Variants in PLCH2 observed in about 807,000 individuals in gnomAD.
PLCH2 encodes phospholipase C eta 2, also known as 1-phosphatidylinositol 4,5-bisphosphate phosphodiesterase eta-2.
Under a neutral mutation model 134.7 loss-of-function variants are expected in PLCH2, and 98 were observed. The ratio of observed to expected loss-of-function variants is 0.73; its 90% CI spans 0.62 to 0.86. PLCH2 has a LOEUF of 0.86. Ranked by LOEUF, PLCH2 falls within the 40% of genes least tolerant of loss-of-function variation. The probability of loss-of-function intolerance (pLI) is 0.00; values close to 1 mark genes in which losing one functional copy is unlikely to be tolerated. For synonymous variants in PLCH2, 974 were observed against 827.5 expected (o/e 1.18, Z -3.04); for missense variants, 1,994 against 1,986.6 (o/e 1.00, Z -0.07).
intron 2 of PLCH2, among the ~76,000 whole-genome samples, chr1:2,430,937 G>C (rs1371008550): frequency 6.6e-6 from 1 of 152,196 alleles, no homozygotes; most frequent in African/African-American, 2.4e-5. Context: ...CACTGGGGGG[G>C]TCTGGGAGAG....
At chr1:2,433,326 G>A (rs1417892721) in intron 2 of PLCH2, among the ~76,000 whole-genome samples, 1 of 152,202 alleles carries the variant, frequency 6.6e-6, no homozygotes, top group Non-Finnish European at 1.5e-5. Context: ...TGGTGGCCTG[G>A]CCTCCCTGGC....
In PLCH2 at chr1:2,504,371, T is replaced by C. The variant is rs775489246; in HGVS notation, c.3409T>C (p.Cys1137Arg). 5.5e-5 allele frequency: 88 copies of C among 1,610,620 alleles called. 1 individual carries two copies. Among genetic ancestry groups the C allele is most frequent in the Non-Finnish European group, 7.2e-5 (85 of 1,179,446 alleles). ...SDPLWQRLEP[C>R]GHRDSVSSSS... The stretch of plus-strand genomic sequence containing the variant: ...CCCGCTGTGGCAGCGGCTGGAGCCA[T>C]GTGGCCACCGAGACAGCGTTTCCTC... The change falls in exon 22 of 22, where the codon TGT (cysteine) becomes CGT (arginine). Residue 1137 changes from cysteine (C) to arginine (R), a missense_variant. Physicochemically the swap from Cys to Arg is radical, Grantham distance 180. This residue lies in a region of PLCH2 where 900 missense variants were observed against 752.3 expected (regional missense o/e 1.20). Transcript: ENST00000378486.
At chr1:2,424,043 C>T (rs1001807527), upstream of PLCH2, among the ~76,000 whole-genome samples, 34 of 151,908 alleles carry the variant, frequency 2.2e-4, no homozygotes, top group Admixed American at 3.9e-4. Flanking sequence ...CCTCTGTGCC[C>T]GGCCTGTTTA....
At position 2,487,238 on chromosome 1, in the gene PLCH2, C is replaced by G; in HGVS notation, c.976C>G (p.Gln326Glu). ...CAACCCTGAGCACCACCATGTGCAC[C>G]AGGACATGACGCAGCCGCTGAGCCA... ...IFNPEHHHVH[Q>E]DMTQPLSHYF... The change falls in exon 7 of 22, where the codon CAG (glutamine) becomes GAG (glutamate). Residue 326 changes from glutamine to glutamate, a missense_variant. By Grantham distance (29) the Gln-to-Glu change is conservative. This residue lies in a region of PLCH2 where 1,094 missense variants were observed against 1,234.3 expected (regional missense o/e 0.89). Transcript: ENST00000378486. 2.5e-6 allele frequency: 4 copies of G among 1,608,524 alleles called. No homozygotes were observed. The highest frequency in any genetic ancestry group is 3.4e-6 in the Non-Finnish European group (4 of 1,177,636).
chr1:2,497,360 C>T, intron 15 of PLCH2, 142 bp from the exon 16 acceptor site: 3 of 658,752 alleles, frequency 4.6e-6, no homozygotes, highest in South Asian at 3.5e-5. Flanking sequence ...ACCTTGGAGT[C>T]CCATTCACAT....
At chr1:2,431,488 T>C (rs908674250) in intron 2 of PLCH2, among the ~76,000 whole-genome samples, 7 of 152,108 alleles carry the variant, frequency 4.6e-5, no homozygotes, top group African/African-American at 1.7e-4. Flanking sequence ...CTGCCGGGCT[T>C]GGGGCCCTGG....
At chr1:2,470,936 C>T (rs1030472948) in intron 1 of PLCH2, among the ~76,000 whole-genome samples, 9 of 152,174 alleles carry the variant, frequency 5.9e-5, no homozygotes, top group African/African-American at 1.4e-4. Context: ...CAGGTGGGTG[C>T]GATGCCCCTG....
intron 20 of PLCH2, 173 bp downstream of exon 20, chr1:2,499,893 G>A: frequency 1.6e-6 from 1 of 635,478 alleles, no homozygotes; most frequent in Non-Finnish European, 2.8e-6. Flanking sequence ...TGGGGGCCTG[G>A]CTCCTGAGCC....
the PLCH2 span, among the ~76,000 whole-genome samples, chr1:2,420,763 G>A: frequency 1.3e-5 from 2 of 152,368 alleles, no homozygotes; most frequent in Non-Finnish European, 2.9e-5. Context: ...CGATTGGAGG[G>A]TGGAGTGAGT....
chr1:2,430,622 G>T (rs1639023985), exon 2 of PLCH2: 2 of 152,256 alleles, frequency 1.3e-5, no homozygotes, highest in South Asian at 4.1e-4. Context: ...CCAACATTCT[G>T]CCCGTGGGTG....
Position 2,504,126 on chromosome 1 carries a change from G to A in PLCH2, c.3164G>A (p.Arg1055Lys), listed in dbSNP as rs1178223784. The change falls in exon 22 of 22, where the codon AGG becomes AAG. Residue 1055 changes from arginine (R) to lysine (K), a missense_variant. Physicochemically the swap from Arg to Lys is conservative, Grantham distance 26. Around this residue, in one of 2 missense-constraint regions of PLCH2, gnomAD observed 900 missense variants for 752.3 expected, o/e 1.20. Transcript: ENST00000378486. ...GACACTGAGGAGCCCCGAGACAGCA[G>A]GCCTCGGCCGTGCAACGGCGAGGGC... is the stretch of plus-strand genomic sequence containing the variant. ...LEDTEEPRDSRPRPCNGEGAG... is the reference protein window; with the variant it reads ...LEDTEEPRDSKPRPCNGEGAG... The A allele has an allele frequency of 3.9e-6, 6 of 1,522,434 alleles. No homozygotes were observed. In the South Asian group the frequency reaches 7.4e-5, roughly 19 times the overall value. The allele number at this position is 1,522,434 out of a possible 1,614,324, so 94.3% of individuals were successfully genotyped here. A position where few individuals can be genotyped will look rare whatever the true frequency, so the allele number is the denominator to read the frequency against.
intron 2 of PLCH2, among the ~76,000 whole-genome samples, chr1:2,436,399 TCCTCCTTC>T: frequency 2.8e-5 from 1 of 35,552 alleles, no homozygotes; most frequent in African/African-American, 8.8e-5. Context: ...CCTCCACCTT[TCCTCCTTC>T]CTCCCTCCAC....
intron 2 of PLCH2, among the ~76,000 whole-genome samples, chr1:2,435,961 C>CTCCACCTT (rs1639310566): frequency 7.0e-6 from 1 of 142,676 alleles, no homozygotes; most frequent in Non-Finnish European, 1.6e-5. Flanking sequence ...CTCCTCCTCC[C>CTCCACCTT]TCCTCCCTTC....
Position 2,439,368 on chromosome 1 carries a change from C to T in PLCH2, c.115+8739C>T, listed in dbSNP as rs536730424. Among the ~76,000 whole-genome samples the T allele has an allele frequency of 3.9e-5, 6 of 152,154 alleles. No individual in the cohort carries two copies. Among genetic ancestry groups the T allele is most frequent in the African/African-American group, 7.2e-5 (3 of 41,534 alleles). On this transcript the variant is annotated intron_variant, in intron 2 of 3. Transcript: ENST00000609981. The surrounding 1 kb of genome is among the most constrained non-coding windows in gnomAD (Gnocchi z 4.7). ...CCCAGTGCTGGCCAGACCTGGTCCC[C>T]GACCCCAGGGCTGCCCCCGGGTTCT...
At chr1:2,478,349 G>A in intron 1 of PLCH2, 127 bp from the exon 2 acceptor site, 1 of 1,181,722 alleles carries the variant, frequency 8.5e-7, no homozygotes, top group Non-Finnish European at 1.2e-6. Flanking sequence ...GAGGTGAGGA[G>A]TGGCCGTGCC....
upstream of PLCH2, among the ~76,000 whole-genome samples, chr1:2,424,821 A>C (rs566373637): frequency 6.6e-6 from 1 of 152,274 alleles, no homozygotes; most frequent in Admixed American, 6.5e-5. Context: ...CCCTGTCTCT[A>C]CTAAAAATAA....
intron 1 of PLCH2, among the ~76,000 whole-genome samples, chr1:2,426,504 G>T (rs1638803927): frequency 6.6e-6 from 1 of 152,176 alleles, no homozygotes. Context: ...TTCCCTCCGG[G>T]TCAGAGTGGC....
chr1:2,478,506 G>A lies in PLCH2; in HGVS notation c.155G>A (p.Gly52Glu). ...CGGTGCATGGGTGCCATGCAAGAGG[G>A]GATGCAGATGGTGAAGCTGCGTGGC... ...VERCMGAMQE[G>E]MQMVKLRGGS... Residue 52 changes from glycine to glutamate, a missense_variant, in exon 2 of 22, where the codon GGG becomes GAG. Physicochemically the swap from Gly to Glu is moderately conservative, Grantham distance 98 (BLOSUM62 -2). Transcript: ENST00000378486. 1 of 1,612,916 alleles carries A rather than the reference G, an allele frequency of 6.2e-7. No homozygotes were observed. The highest frequency in any genetic ancestry group is 8.5e-7 in the Non-Finnish European group (1 of 1,179,822).
Position 2,504,193 on chromosome 1 carries a change from C to A in PLCH2, c.3231C>A (p.Asp1077Glu). 1 of 1,546,836 alleles carries A rather than the reference C, an allele frequency of 6.5e-7. No individual in the cohort carries two copies. The highest frequency in any genetic ancestry group is 8.7e-7 in the Non-Finnish European group (1 of 1,147,000). The change falls in exon 22 of 22, where the codon GAC (aspartate) becomes GAA (glutamate). Residue 1077 changes from aspartate to glutamate, a missense_variant. Physicochemically the swap from Asp to Glu is conservative, Grantham distance 45. Coordinates refer to ENST00000378486, the MANE Select transcript of PLCH2 (RefSeq NM_014638.4). ...AGAGGGCCCCCGGCAGCCAGACGGA[C>A]GGCAGGAGCCAGCCCCGGACCCTGG... ...AYERAPGSQT[D>E]GRSQPRTLGH...
Sources: gnomAD v4.1 joint callset for allele counts (sites outside exome capture counted in the v4.1 genomes callset) on GRCh38, gnomAD v4.1.1 for gene constraint, gnomAD v4.1.1 regional missense constraint, Gnocchi (gnomAD v3.1) non-coding constraint, MANE v1.5 for transcripts, NCBI Gene and HGNC (gene_info 2026-07-23, HGNC 2026-07-21) for gene names.